Variants in AFAP1 observed in about 807,000 individuals in gnomAD.
The protein encoded by AFAP1 is actin filament-associated protein 1.
AFAP1 carries 75 observed loss-of-function variants against 93.9 expected under a neutral mutation model. The observed-to-expected ratio is 0.80, with a 90% CI of 0.66 to 0.97. AFAP1 has a LOEUF of 0.97. Among genes scored for constraint, AFAP1 ranks in the 50% least tolerant of loss-of-function variants. The probability of loss-of-function intolerance (pLI) is 0.00; values close to 1 mark genes in which losing one functional copy is unlikely to be tolerated. For missense variants in AFAP1, 1,201 were observed against 1,050.8 expected (o/e 1.14, Z -1.98); for synonymous variants, 517 against 430.7 (o/e 1.20, Z -2.48).
chr4:7,853,597 G>A (rs1212096725), intron 4 of AFAP1, among the ~76,000 whole-genome samples: 3 of 152,158 alleles, frequency 2.0e-5, no homozygotes, highest in Non-Finnish European at 4.4e-5. Context: ...CAGGGAAGAA[G>A]TTCTCACAAC....
At chr4:7,766,339 T>C (rs541917478) in intron 17 of AFAP1, among the ~76,000 whole-genome samples, 1 of 152,190 alleles carries the variant, frequency 6.6e-6, no homozygotes, top group Non-Finnish European at 1.5e-5. Flanking sequence ...TCCTCTGTTG[T>C]ACAGGTCCCC....
intron 9 of AFAP1, among the ~76,000 whole-genome samples, chr4:7,803,796 G>A (rs1469709290): frequency 6.6e-6 from 1 of 152,166 alleles, no homozygotes; most frequent in Non-Finnish European, 1.5e-5. Flanking sequence ...TGATTATATT[G>A]GACAGATCCA....
chr4:7,809,512 C>T, intron 9 of AFAP1, 102 bp downstream of exon 9: 1 of 1,381,694 alleles, frequency 7.2e-7, no homozygotes, highest in African/African-American at 1.5e-5. Flanking sequence ...CAAAAGAGCT[C>T]AAATTAACGA....
intron 1 of AFAP1, among the ~76,000 whole-genome samples, chr4:7,920,956 A>G (rs1720408008): frequency 6.6e-6 from 1 of 151,686 alleles, no homozygotes; most frequent in Non-Finnish European, 1.5e-5. Context: ...AGCTAAATAT[A>G]TAAACTATAT....
intron 3 of AFAP1, among the ~76,000 whole-genome samples, chr4:7,863,422 A>T (rs1221095823): frequency 1.3e-5 from 2 of 151,840 alleles, no homozygotes; most frequent in Non-Finnish European, 2.9e-5. Flanking sequence ...GCCAAGAAAG[A>T]ACGAAAGAAC....
At chr4:7,866,983 G>A (rs1716471241) in intron 3 of AFAP1, among the ~76,000 whole-genome samples, 1 of 151,012 alleles carries the variant, frequency 6.6e-6, no homozygotes, top group Non-Finnish European at 1.5e-5. Context: ...AGGCTGTAGT[G>A]AGCTATGAAT....
intron 10 of AFAP1, among the ~76,000 whole-genome samples, chr4:7,798,697 A>G (rs1424718908): frequency 6.6e-6 from 1 of 152,218 alleles, no homozygotes; most frequent in Non-Finnish European, 1.5e-5. Context: ...CACCTTCCTC[A>G]GTGGTCCAAG....
At chr4:7,831,048 A>G (rs1711551129) in intron 6 of AFAP1, among the ~76,000 whole-genome samples, 1 of 152,202 alleles carries the variant, frequency 6.6e-6, no homozygotes, top group Non-Finnish European at 1.5e-5. Flanking sequence ...AATACAAAGT[A>G]AAAAGGGAAA....
At chr4:7,822,649 ATC>A (rs1721075011) in intron 6 of AFAP1, among the ~76,000 whole-genome samples, 2 of 145,462 alleles carry the variant, frequency 1.4e-5, no homozygotes, top group Admixed American at 1.4e-4. Context: ...CAGTGGCACG[ATC>A]TCGGCTCACT....
At chr4:7,917,898 C>T (rs923847295) in intron 1 of AFAP1, among the ~76,000 whole-genome samples, 1 of 152,162 alleles carries the variant, frequency 6.6e-6, no homozygotes, top group African/African-American at 2.4e-5. Context: ...CACTCAGCAC[C>T]GCAAAGAGAC....
chr4:7,766,225 C>A, intron 17 of AFAP1, among the ~76,000 whole-genome samples: 1 of 152,136 alleles, frequency 6.6e-6, no homozygotes, highest in East Asian at 1.9e-4. Context: ...GGGTACGCTT[C>A]GTGCCTTCTT....
rs1560247474 is a variant in AFAP1 at position 7,939,619 on chromosome 4, G to GGGGCAGAGACCCCCGCCC, written c.-3+36_-3+37insGGGCGGGGGTCTCTGCCC. ...CACGCCCGGGGCAGAGACCCCCGCC[G>GGGGCAGAGACCCCCGCCC]GGTCCGGAGACCCTGCCGCCAGTCG... On this transcript the variant is annotated intron_variant, in intron 1 of 17. Transcript: ENST00000420658. This position sits in a 1 kb window ranked among gnomAD's most constrained non-coding sequence, Gnocchi z 5.6. 3.4e-5 allele frequency: 14 copies of GGGGCAGAGACCCCCGCCC among 412,296 alleles called. No individual in the cohort carries two copies. The highest frequency in any genetic ancestry group is 2.3e-4 in the South Asian group (14 of 60,198). The allele number at this position is 412,296 out of a possible 1,614,324, so 25.5% of individuals were successfully genotyped here.
intron 1 of AFAP1, among the ~76,000 whole-genome samples, chr4:7,918,967 G>GCCA (rs1720276876): frequency 3.9e-5 from 2 of 50,800 alleles, no homozygotes; most frequent in Admixed American, 2.5e-4. Context: ...CAGGGCTGTT[G>GCCA]GAAGAGACAC....
At chr4:7,918,825 GGTCACCCGC>G in intron 1 of AFAP1, among the ~76,000 whole-genome samples, 1 of 122,570 alleles carries the variant, frequency 8.2e-6, no homozygotes, top group East Asian at 2.6e-4. Flanking sequence ...ACTCGGCCCA[GGTCACCCGC>G]AAACAGGGCT....
intron 1 of AFAP1, among the ~76,000 whole-genome samples, chr4:7,910,323 G>A (rs983324372): frequency 1.3e-5 from 2 of 151,948 alleles, no homozygotes; most frequent in Non-Finnish European, 2.9e-5. Context: ...GCTACCAACC[G>A]GCCTGGTCAC....
At position 7,887,389 on chromosome 4, in the gene AFAP1, C is replaced by G. The variant is rs560895197; in HGVS notation, c.-2-15309G>C. 2.6e-5 allele frequency among the ~76,000 whole-genome samples: 4 copies of G among 152,286 alleles called. No homozygotes were observed. The East Asian group carries it at 7.7e-4, about 29-fold the overall frequency. On this transcript the variant is annotated intron_variant, in intron 1 of 17. Coordinates refer to ENST00000420658, the MANE Select transcript of AFAP1 (RefSeq NM_001134647.2). ...CAGTACGCAAATAAATATAAACACA[C>G]AGAAATGACGATGGGTGTTACAGGA...
intron 1 of AFAP1, among the ~76,000 whole-genome samples, chr4:7,893,413 T>A (rs2149209497): frequency 6.6e-6 from 1 of 152,046 alleles, no homozygotes; most frequent in South Asian, 2.1e-4. Context: ...ACCCCGTCTC[T>A]ACTAAAAAAT....
chr4:7,768,352 C>T (rs762624810), intron 17 of AFAP1, among the ~76,000 whole-genome samples: 1 of 152,224 alleles, frequency 6.6e-6, no homozygotes, highest in Non-Finnish European at 1.5e-5. Flanking sequence ...CGGAAGCTGC[C>T]CCAGGAGGGA....
chr4:7,873,501 A>G (rs1261540729), intron 1 of AFAP1, among the ~76,000 whole-genome samples: 1 of 150,864 alleles, frequency 6.6e-6, no homozygotes, highest in Non-Finnish European at 1.5e-5. Context: ...GGCGCCCGCC[A>G]CCACGCCCAG....
Sources: gnomAD v4.1 joint callset for allele counts (sites outside exome capture counted in the v4.1 genomes callset) on GRCh38, gnomAD v4.1.1 for gene constraint, Gnocchi (gnomAD v3.1) non-coding constraint, MANE v1.5 for transcripts, NCBI Gene and HGNC (gene_info 2026-07-23, HGNC 2026-07-21) for gene names.